Variants in ARB2A observed in about 807,000 individuals in gnomAD.
ARB2A encodes ARB2 cotranscriptional regulator A, also known as cotranscriptional regulator ARB2A.
the ARB2A span, among the ~76,000 whole-genome samples, chr5:93,963,534 A>C: frequency 2.6e-5 from 4 of 152,060 alleles, no homozygotes; most frequent in African/African-American, 9.6e-5. Context: ...CCTTTAAAAA[A>C]GGAACTATGG....
At chr5:93,968,646 T>C in the ARB2A span, among the ~76,000 whole-genome samples, 1 of 151,998 alleles carries the variant, frequency 6.6e-6, no homozygotes, top group Non-Finnish European at 1.5e-5. Context: ...GAGAAAATAT[T>C]TGAAGCAATG....
the ARB2A span, among the ~76,000 whole-genome samples, chr5:93,793,536 C>T: frequency 6.6e-6 from 1 of 152,074 alleles, no homozygotes; most frequent in African/African-American, 2.4e-5. Flanking sequence ...GTTAACACCA[C>T]ATTCTCATTC....
the ARB2A span, among the ~76,000 whole-genome samples, chr5:93,891,758 T>C: frequency 9.2e-5 from 14 of 152,252 alleles, no homozygotes; most frequent in East Asian, 2.7e-3. Flanking sequence ...ATTATACTCA[T>C]TGCAATTAAC....
At chr5:94,034,719 T>A in the ARB2A span, among the ~76,000 whole-genome samples, 1 of 152,208 alleles carries the variant, frequency 6.6e-6, no homozygotes, top group Admixed American at 6.5e-5. Flanking sequence ...AATGTTTGAT[T>A]TCTGACAAGG....
At chr5:94,070,137 A>T in the ARB2A span, among the ~76,000 whole-genome samples, 1 of 152,172 alleles carries the variant, frequency 6.6e-6, no homozygotes, top group Admixed American at 6.5e-5. Context: ...TACAAAAAGG[A>T]AAACTATACA....
chr5:93,664,988 G>A, the ARB2A span, among the ~76,000 whole-genome samples: 3 of 151,992 alleles, frequency 2.0e-5, no homozygotes, highest in African/African-American at 7.2e-5. Flanking sequence ...TACCATGCCT[G>A]GCTAATTTTT....
chr5:94,004,355 G>A, the ARB2A span, among the ~76,000 whole-genome samples: 1 of 152,186 alleles, frequency 6.6e-6, no homozygotes, highest in African/African-American at 2.4e-5. Flanking sequence ...GCTGAGGCAG[G>A]CGGATCACAA....
At chr5:93,763,713 G>C in the ARB2A span, among the ~76,000 whole-genome samples, 1 of 152,166 alleles carries the variant, frequency 6.6e-6, no homozygotes, top group Non-Finnish European at 1.5e-5. Flanking sequence ...GACATTGACA[G>C]AACTCTCCAC....
the ARB2A span, among the ~76,000 whole-genome samples, chr5:93,857,680 C>T: frequency 6.6e-6 from 1 of 152,288 alleles, no homozygotes; most frequent in East Asian, 1.9e-4. Flanking sequence ...TTTCCAGGTG[C>T]CATCTCTCAC....
chr5:94,030,839 C>T, the ARB2A span, among the ~76,000 whole-genome samples: 1 of 152,128 alleles, frequency 6.6e-6, no homozygotes, highest in African/African-American at 2.4e-5. Flanking sequence ...AAGAGAATGG[C>T]TTGATATAAA....
the ARB2A span, among the ~76,000 whole-genome samples, chr5:93,830,543 A>G: frequency 6.6e-6 from 1 of 151,618 alleles, no homozygotes; most frequent in Non-Finnish European, 1.5e-5. Flanking sequence ...ACCAAGGTTG[A>G]CGGGCCATTA....
chr5:93,940,319 G>C, the ARB2A span, among the ~76,000 whole-genome samples: 1 of 151,882 alleles, frequency 6.6e-6, no homozygotes, highest in Non-Finnish European at 1.5e-5. Flanking sequence ...GTCATGATTT[G>C]TTTTCTGTCT....
At chr5:93,684,286 T>C in the ARB2A span, among the ~76,000 whole-genome samples, 1 of 152,236 alleles carries the variant, frequency 6.6e-6, no homozygotes, top group African/African-American at 2.4e-5. Context: ...ATTTCCTAGC[T>C]GTGAGAGCTC....
the ARB2A span, among the ~76,000 whole-genome samples, chr5:94,054,008 A>T: frequency 6.6e-6 from 1 of 152,188 alleles, no homozygotes; most frequent in South Asian, 2.1e-4. Context: ...AACTCAAGTG[A>T]TCTGCCCACC....
the ARB2A span, among the ~76,000 whole-genome samples, chr5:93,752,093 A>C: frequency 6.6e-6 from 1 of 152,222 alleles, no homozygotes; most frequent in East Asian, 1.9e-4. Flanking sequence ...GATGAGAAAG[A>C]GACCCAGAGT....
At chr5:94,053,072 T>TATAC in the ARB2A span, 2 of 632,994 alleles carry the variant, frequency 3.2e-6, no homozygotes, top group African/African-American at 3.9e-5. Context: ...TTGCATATAC[T>TATAC]ATAGATAGAT....
chr5:93,823,036 G>A, the ARB2A span, among the ~76,000 whole-genome samples: 1 of 152,100 alleles, frequency 6.6e-6, no homozygotes, highest in African/African-American at 2.4e-5. Flanking sequence ...ACATGCCAAA[G>A]TCTAGAAACA....
At chr5:93,958,668 C>A in the ARB2A span, 2 of 780,822 alleles carry the variant, frequency 2.6e-6, no homozygotes, top group Non-Finnish European at 3.7e-6. Flanking sequence ...ATAATAACAA[C>A]CCAAAGATAA....
chr5:93,924,134 C>A, the ARB2A span, among the ~76,000 whole-genome samples: 1 of 152,060 alleles, frequency 6.6e-6, no homozygotes, highest in Non-Finnish European at 1.5e-5. Context: ...CTTCAGAGAA[C>A]CTCGATTATT....
Sources: gnomAD v4.1 joint callset for allele counts (sites outside exome capture counted in the v4.1 genomes callset) on GRCh38, gnomAD v4.1.1 for gene constraint, MANE v1.5 for transcripts, NCBI Gene and HGNC (gene_info 2026-07-23, HGNC 2026-07-21) for gene names.